Variants in DLGAP4 observed in about 807,000 individuals in gnomAD.
The protein encoded by DLGAP4 is DLG associated protein 4.
DLGAP4 carries 18 observed loss-of-function variants against 86.9 expected under a neutral mutation model. That is an observed-to-expected ratio of 0.21 (90% CI 0.14 to 0.31). The LOEUF (loss-of-function observed/expected upper bound fraction) is 0.31, where lower values mean the gene tolerates loss of function less well. Among genes scored for constraint, DLGAP4 ranks in the 10% least tolerant of loss-of-function variants. The pLI, the probability that DLGAP4 is intolerant of heterozygous loss-of-function variation, is 1.00. For missense variants in DLGAP4, 1,085 were observed against 1,362.6 expected (o/e 0.80, Z 3.21); for synonymous variants, 548 against 574.3 (o/e 0.95, Z 0.65).
chr20:36,505,595 C>T (rs1204645658), intron 10 of DLGAP4, among the ~76,000 whole-genome samples: 2 of 151,842 alleles, frequency 1.3e-5, no homozygotes, highest in African/African-American at 4.8e-5. Context: ...GTCAACATAG[C>T]GAGACCCCCA....
intron 1 of DLGAP4, among the ~76,000 whole-genome samples, chr20:36,311,774 GGGTTTGGACGAAA>G (rs1197217772): frequency 1.5e-4 from 23 of 152,202 alleles, no homozygotes; most frequent in Non-Finnish European, 2.5e-4. Flanking sequence ...GGAGGTGCCA[GGGTTTGGACGAAA>G]GGCTCCCTCC....
At chr20:36,358,477 G>T (rs1343634701) in intron 1 of DLGAP4, among the ~76,000 whole-genome samples, 1 of 152,170 alleles carries the variant, frequency 6.6e-6, no homozygotes, top group Non-Finnish European at 1.5e-5. Context: ...GCAGGGATTC[G>T]GCAACTATTT....
chr20:36,372,043 C>G (rs2030961687), intron 2 of DLGAP4, among the ~76,000 whole-genome samples: 1 of 152,200 alleles, frequency 6.6e-6, no homozygotes, highest in South Asian at 2.1e-4. Context: ...ATCAGCAGAT[C>G]TGGGTCATCC....
At chr20:36,519,992 C>G (rs1340177672) in intron 10 of DLGAP4, among the ~76,000 whole-genome samples, 1 of 151,278 alleles carries the variant, frequency 6.6e-6, no homozygotes, top group Non-Finnish European at 1.5e-5. Flanking sequence ...GAAGAGGTCT[C>G]ACTGTGTTGC....
intron 7 of DLGAP4, among the ~76,000 whole-genome samples, chr20:36,480,121 A>C (rs2035119819): frequency 6.6e-6 from 1 of 152,180 alleles, no homozygotes; most frequent in South Asian, 2.1e-4. Context: ...TAAGTCATAC[A>C]CTGAATGAAG....
chr20:36,378,604 C>G (rs554163065), intron 2 of DLGAP4, among the ~76,000 whole-genome samples: 1 of 151,898 alleles, frequency 6.6e-6, no homozygotes, highest in Non-Finnish European at 1.5e-5. Flanking sequence ...ACCAGTCCCT[C>G]CATACACACA....
At chr20:36,377,802 ACT>A (rs953357062) in intron 2 of DLGAP4, among the ~76,000 whole-genome samples, 3 of 151,390 alleles carry the variant, frequency 2.0e-5, no homozygotes, top group South Asian at 2.1e-4. Context: ...TTAGAGGAAA[ACT>A]CTCCCCGCGT....
Position 36,431,880 on chromosome 20 carries a change from G to A in DLGAP4, c.163G>A (p.Asp55Asn). 6.2e-7 allele frequency: 1 copy of A among 1,614,140 alleles called. No homozygotes were observed. The highest frequency in any genetic ancestry group is 8.5e-7 in the Non-Finnish European group (1 of 1,180,004). The change falls in exon 3 of 13, where the codon GAT (aspartate) becomes AAT (asparagine). Residue 55 changes from aspartate to asparagine, a missense_variant. Physicochemically the swap from Asp to Asn is conservative, Grantham distance 23. Around this residue, in one of 2 missense-constraint regions of DLGAP4, gnomAD observed 1,082 missense variants for 1,344.1 expected, o/e 0.81. Coordinates refer to ENST00000339266, the MANE Select transcript of DLGAP4 (RefSeq NM_001365621.2). This position sits in a 1 kb window ranked among gnomAD's most constrained non-coding sequence, Gnocchi z 5.1. ...CCCCGGGCAGAACACCCTGCCAGGAGATGGCCTCTTTCCCCTCAACAACCA... is the reference window on the plus strand; with the variant it reads ...CCCCGGGCAGAACACCCTGCCAGGAAATGGCCTCTTTCCCCTCAACAACCA... Reference protein sequence around the residue: ...RFPGQNTLPGDGLFPLNNQLP... With the variant: ...RFPGQNTLPGNGLFPLNNQLP...
Position 36,446,746 on chromosome 20 carries a change from C to G in DLGAP4, c.1457C>G (p.Ala486Gly), listed in dbSNP as rs780281286. The change falls in exon 7 of 13, where the codon GCC (alanine) becomes GGC (glycine). Residue 486 changes from alanine (A) to glycine (G), a missense_variant. Ala to Gly is a moderately conservative substitution (Grantham distance 60). Coordinates refer to ENST00000339266, the MANE Select transcript of DLGAP4 (RefSeq NM_001365621.2). ...SDQYEAACES[A>G]CSEAESTAAE... is the part of the protein sequence containing the mutation. ...CAGTATGAGGCGGCCTGCGAGTCAGCCTGCAGTGAAGCGGAGTCCACAGCG... is the reference window on the plus strand; with the variant it reads ...CAGTATGAGGCGGCCTGCGAGTCAGGCTGCAGTGAAGCGGAGTCCACAGCG... The G allele has an allele frequency of 8.7e-6, 14 of 1,612,722 alleles. No individual in the cohort carries two copies. The South Asian group carries it at 1.4e-4, about 16-fold the overall frequency.
At chr20:36,316,278 C>T (rs1301751347) in intron 1 of DLGAP4, among the ~76,000 whole-genome samples, 1 of 146,210 alleles carries the variant, frequency 6.8e-6, no homozygotes, top group South Asian at 2.2e-4. Flanking sequence ...CCATTGCTGC[C>T]CCTGTCACCT....
At chr20:36,486,667 G>C (rs770319878) in intron 7 of DLGAP4, among the ~76,000 whole-genome samples, 1 of 150,624 alleles carries the variant, frequency 6.6e-6, no homozygotes, top group South Asian at 2.1e-4. Context: ...CTGGAGTGTA[G>C]TGGCGCAATC....
chr20:36,384,586 T>A (rs2031528769), intron 2 of DLGAP4, among the ~76,000 whole-genome samples: 1 of 152,168 alleles, frequency 6.6e-6, no homozygotes, highest in East Asian at 1.9e-4. Flanking sequence ...TCAGTCATAA[T>A]AGGAAGGTTG....
chr20:36,499,669 G>A lies in DLGAP4; in HGVS notation c.2092G>A (p.Asp698Asn), dbSNP rs1324663450. ...GTCCATCGGGGTTCAGGTAGAGGAC[G>A]ACTGGCGGTAAGTCGGACAGAGGTG... Reference protein sequence around the residue: ...FQSIGVQVEDDWRSSVPSHSM... With the variant: ...FQSIGVQVEDNWRSSVPSHSM... The change falls in exon 9 of 13, where the codon GAC becomes AAC. Residue 698 changes from aspartate to asparagine, a missense_variant. Around this residue, in one of 2 missense-constraint regions of DLGAP4, gnomAD observed 1,082 missense variants for 1,344.1 expected, o/e 0.81. Coordinates refer to ENST00000339266, the MANE Select transcript of DLGAP4 (RefSeq NM_001365621.2). 5 of 1,613,402 alleles carry A rather than the reference G, an allele frequency of 3.1e-6. No individual in the cohort carries two copies. The highest frequency in any genetic ancestry group is 2.2e-5 in the East Asian group (1 of 44,882).
intron 7 of DLGAP4, among the ~76,000 whole-genome samples, chr20:36,447,458 A>G (rs2033622957): frequency 6.6e-6 from 1 of 152,110 alleles, no homozygotes; most frequent in Non-Finnish European, 1.5e-5. Context: ...GTCTCACTCC[A>G]CACCCAGGCT....
In DLGAP4 at chr20:36,432,405, C is replaced by G; in HGVS notation, c.688C>G (p.Leu230Val). The G allele has an allele frequency of 6.2e-7, 1 of 1,613,738 alleles. No homozygotes were observed. The highest frequency in any genetic ancestry group is 8.5e-7 in the Non-Finnish European group (1 of 1,180,040). The change falls in exon 3 of 13, where the codon CTA becomes GTA. Residue 230 changes from leucine to valine, a missense_variant. Transcript: ENST00000339266. The surrounding 1 kb of genome is among the most constrained non-coding windows in gnomAD (Gnocchi z 6.5). Reference protein sequence around the residue: ...SSGPASGLMTLGRQAERSQPR... With the variant: ...SSGPASGLMTVGRQAERSQPR... ...TGGCCCAGCCTCTGGGCTGATGACA[C>G]TAGGCCGCCAGGCAGAACGCAGCCA...
At chr20:36,518,501 T>A (rs993867357) in intron 10 of DLGAP4, among the ~76,000 whole-genome samples, 5 of 152,188 alleles carry the variant, frequency 3.3e-5, no homozygotes, top group African/African-American at 1.2e-4. Flanking sequence ...TCCTTTTATA[T>A]AAGCTTTGAA....
intron 1 of DLGAP4, among the ~76,000 whole-genome samples, chr20:36,330,000 G>C (rs2065251346): frequency 6.6e-6 from 1 of 150,474 alleles, no homozygotes; most frequent in Admixed American, 6.6e-5. Context: ...CTCCAGCCTG[G>C]GTGACAGAGC....
chr20:36,442,168 A>G (rs2033464769), intron 5 of DLGAP4, among the ~76,000 whole-genome samples: 1 of 152,180 alleles, frequency 6.6e-6, no homozygotes, highest in African/African-American at 2.4e-5. Flanking sequence ...CCATGGTCCC[A>G]GGGCCCAGAC....
At chr20:36,502,844 C>G (rs983691587) in intron 10 of DLGAP4, among the ~76,000 whole-genome samples, 27 of 151,690 alleles carry the variant, frequency 1.8e-4, no homozygotes, top group Non-Finnish European at 3.8e-4. Context: ...CTGCCTCAGC[C>G]TCCCGAGTAG....
Sources: allele counts gnomAD v4.1 joint callset (sites outside exome capture counted in the v4.1 genomes callset), GRCh38; gene constraint gnomAD v4.1.1; regional missense constraint gnomAD v4.1.1; non-coding constraint Gnocchi (gnomAD v3.1); transcripts MANE v1.5; gene names NCBI Gene and HGNC (gene_info 2026-07-23, HGNC 2026-07-21).